Variants in NDST3 observed in about 807,000 individuals in gnomAD.
NDST3 encodes the protein N-deacetylase and N-sulfotransferase 3.
Under a neutral mutation model 96.1 loss-of-function variants are expected in NDST3, and 58 were observed. The observed-to-expected ratio is 0.60, with a 90% CI of 0.49 to 0.75. The LOEUF (loss-of-function observed/expected upper bound fraction) is 0.75, where lower values mean the gene tolerates loss of function less well. Among genes scored for constraint, NDST3 ranks in the 30% least tolerant of loss-of-function variants. The probability of loss-of-function intolerance (pLI) is 0.00; values close to 1 mark genes in which losing one functional copy is unlikely to be tolerated. For missense variants in NDST3, 788 were observed against 1,034.2 expected, an observed-to-expected ratio of 0.76 and a Z score of 3.27; for synonymous variants, 333 against 359.7, an observed-to-expected ratio of 0.93 and a Z score of 0.84.
At chr4:118,133,416 C>T (rs529822621) in intron 4 of NDST3, among the ~76,000 whole-genome samples, 20 of 152,260 alleles carry the variant, frequency 1.3e-4, no homozygotes, top group Middle Eastern at 3.4e-3. Context: ...ATAGACCCTC[C>T]GCACTTCATG....
In NDST3 at chr4:118,253,600, A is replaced by G; in HGVS notation, c.2501A>G (p.Asp834Gly). ...AGAAAATACCCTCCAATGGATTCTG[A>G]TGTAAGCATAGACCTTAAAAATACA... ...KGRKYPPMDS[D>G]SRTFLSSYYR... Residue 834 changes from aspartate to glycine, a missense_variant and splice_region_variant, in exon 13 of 14, where the codon GAT becomes GGT. By Grantham distance (94) the Asp-to-Gly change is moderately conservative. Transcript: ENST00000296499. 4 of 1,596,486 alleles carry G rather than the reference A, an allele frequency of 2.5e-6. No homozygotes were observed. Among genetic ancestry groups the G allele is most frequent in the Non-Finnish European group, 3.4e-6 (4 of 1,165,472 alleles).
intron 3 of NDST3, 91 bp downstream of exon 3, chr4:118,105,196 T>G: frequency 1.3e-6 from 1 of 796,706 alleles, no homozygotes; most frequent in Non-Finnish European, 2.0e-6. Flanking sequence ...TGTCCTACAT[T>G]CCCTATGTTC....
At chr4:118,191,675 G>T (rs929899739) in intron 6 of NDST3, among the ~76,000 whole-genome samples, 1 of 152,146 alleles carries the variant, frequency 6.6e-6, no homozygotes, top group African/African-American at 2.4e-5. Context: ...AATGGAAAAT[G>T]GGAATTGCAT....
intron 6 of NDST3, among the ~76,000 whole-genome samples, chr4:118,149,363 G>A (rs1349882031): frequency 9.2e-5 from 14 of 151,892 alleles, no homozygotes; most frequent in African/African-American, 1.9e-4. Flanking sequence ...CCATTTTCAC[G>A]ATATTGATTC....
At chr4:118,085,982 T>C (rs1728388287) in intron 2 of NDST3, among the ~76,000 whole-genome samples, 1 of 152,172 alleles carries the variant, frequency 6.6e-6, no homozygotes, top group South Asian at 2.1e-4. Flanking sequence ...TCCTCTATTC[T>C]CTCAACAGAC....
At chr4:118,105,808 G>C (rs1730133802) in intron 3 of NDST3, among the ~76,000 whole-genome samples, 1 of 152,100 alleles carries the variant, frequency 6.6e-6, no homozygotes, top group Non-Finnish European at 1.5e-5. Flanking sequence ...GAGGACTTGA[G>C]TATTCTTTTC....
chr4:118,151,416 C>A (rs1303785212), intron 6 of NDST3, among the ~76,000 whole-genome samples: 2 of 148,958 alleles, frequency 1.3e-5, no homozygotes, highest in African/African-American at 5.1e-5. Context: ...TATTAAAAAA[C>A]AACAACAACA....
chr4:118,184,779 T>C (rs919703863), intron 6 of NDST3, among the ~76,000 whole-genome samples: 4 of 152,220 alleles, frequency 2.6e-5, no homozygotes, highest in African/African-American at 9.6e-5. Context: ...AAAGGAATAC[T>C]CTGTACTATG....
chr4:118,190,431 T>C (rs1307247734), intron 6 of NDST3, among the ~76,000 whole-genome samples: 1 of 152,210 alleles, frequency 6.6e-6, no homozygotes, highest in East Asian at 1.9e-4. Context: ...TTAATTAATT[T>C]AGCATAGTAT....
chr4:118,194,793 A>T, intron 6 of NDST3: 1 of 406,924 alleles, frequency 2.5e-6, no homozygotes, highest in Non-Finnish European at 4.5e-6. Flanking sequence ...CACCGGCACC[A>T]GCATACTCTG....
chr4:118,174,886 A>G (rs2125941808), intron 6 of NDST3, among the ~76,000 whole-genome samples: 1 of 152,068 alleles, frequency 6.6e-6, no homozygotes, highest in African/African-American at 2.4e-5. Flanking sequence ...CTGCCTCTCC[A>G]CTGTCACCTA....
At chr4:118,112,846 C>T (rs1730751744) in intron 3 of NDST3, among the ~76,000 whole-genome samples, 1 of 152,112 alleles carries the variant, frequency 6.6e-6, no homozygotes, top group African/African-American at 2.4e-5. Flanking sequence ...CATAAGATAA[C>T]CACTCAGAAG....
At chr4:118,182,162 T>C (rs1016542435) in intron 6 of NDST3, among the ~76,000 whole-genome samples, 12 of 152,120 alleles carry the variant, frequency 7.9e-5, no homozygotes, top group African/African-American at 2.9e-4. Flanking sequence ...CAGACCACTT[T>C]TCAGTTGGTT....
intron 6 of NDST3, among the ~76,000 whole-genome samples, chr4:118,184,168 A>G (rs1178592976): frequency 2.6e-5 from 4 of 152,258 alleles, no homozygotes; most frequent in Admixed American, 6.5e-5. Flanking sequence ...ATGGCACTGA[A>G]GAACAAAATG....
chr4:118,089,502 G>A (rs553087433), intron 2 of NDST3, among the ~76,000 whole-genome samples: 1 of 151,998 alleles, frequency 6.6e-6, no homozygotes, highest in African/African-American at 2.4e-5. Context: ...CAGTTTAAGA[G>A]TCATCTGACC....
intron 6 of NDST3, among the ~76,000 whole-genome samples, chr4:118,201,934 C>A (rs1738115978): frequency 6.6e-6 from 1 of 152,104 alleles, no homozygotes; most frequent in Non-Finnish European, 1.5e-5. Context: ...TCATTGAAAT[C>A]TTTAATTCAT....
At chr4:118,150,334 T>C (rs1182442994) in intron 6 of NDST3, among the ~76,000 whole-genome samples, 1 of 152,282 alleles carries the variant, frequency 6.6e-6, no homozygotes, top group East Asian at 1.9e-4. Context: ...GGGCAAGGAC[T>C]TCATGTCTAA....
At chr4:118,080,709 G>A (rs1211572640) in intron 2 of NDST3, among the ~76,000 whole-genome samples, 1 of 151,944 alleles carries the variant, frequency 6.6e-6, no homozygotes, top group African/African-American at 2.4e-5. Flanking sequence ...CTAGCACAGA[G>A]TAATACACAT....
chr4:118,035,368 T>G (rs1011460917), intron 1 of NDST3, among the ~76,000 whole-genome samples: 1 of 151,970 alleles, frequency 6.6e-6, no homozygotes, highest in African/African-American at 2.4e-5. Context: ...CTTAATACAT[T>G]TGTATTAAAT....
Sources: gnomAD v4.1 joint callset for allele counts (sites outside exome capture counted in the v4.1 genomes callset) on GRCh38, gnomAD v4.1.1 for gene constraint, MANE v1.5 for transcripts, NCBI Gene and HGNC (gene_info 2026-07-23, HGNC 2026-07-21) for gene names.